The following NUP205 variants were observed in gnomAD, a reference collection of about 807,000 sequenced individuals.
The protein encoded by NUP205 is nucleoporin 205, also known as nuclear pore complex protein Nup205.
NUP205 carries 76 observed loss-of-function variants against 253.8 expected under a neutral mutation model. The ratio of observed to expected loss-of-function variants is 0.30; its 90% CI spans 0.25 to 0.36. The LOEUF (loss-of-function observed/expected upper bound fraction) is 0.36. NUP205 is among the 10% of genes least tolerant of loss of function. The pLI is 1.00. For synonymous variants in NUP205, 832 were observed against 850.1 expected (o/e 0.98, Z 0.37); for missense variants, 2,162 against 2,425.5 (o/e 0.89, Z 2.28).
At chr7:135,578,715 G>C in intron 6 of NUP205, 36 bp from the exon 7 acceptor site, 1 of 1,477,540 alleles carries the variant, frequency 6.8e-7, no homozygotes, top group Non-Finnish European at 9.2e-7. Context: ...GAATTTATCT[G>C]GTGATCGGTA....
At chr7:135,624,871 C>T (rs1009798621) in intron 31 of NUP205, among the ~76,000 whole-genome samples, 1 of 152,152 alleles carries the variant, frequency 6.6e-6, no homozygotes, top group African/African-American at 2.4e-5. Flanking sequence ...TTTTCTCTAA[C>T]AAGCAATGTT....
chr7:135,614,260 AT>A lies in NUP205; in HGVS notation c.3301del (p.Ser1101LeufsTer10). 1 of 1,566,772 alleles carries A rather than the reference AT, an allele frequency of 6.4e-7. No homozygotes were observed. Among genetic ancestry groups the A allele is most frequent in the Non-Finnish European group, 8.8e-7 (1 of 1,137,458 alleles). ...FLFSQLQYLP[F>X]SNKEYEISML... ...TATTTTCCCAGTTGCAGTATCTACC[AT>A]TTTCTAACAAAGGTAGGCCATTATT... On this transcript the variant is annotated frameshift_variant, in exon 23 of 43. Transcript: ENST00000285968. LOFTEE classifies it high-confidence loss of function.
chr7:135,568,956 T>G (rs1260019348), intron 1 of NUP205, among the ~76,000 whole-genome samples: 1 of 152,266 alleles, frequency 6.6e-6, no homozygotes, highest in East Asian at 1.9e-4. Flanking sequence ...ATCATATTCC[T>G]TTACTGGAAT....
chr7:135,566,379 C>T (rs1281707657), intron 1 of NUP205, among the ~76,000 whole-genome samples: 6 of 152,124 alleles, frequency 3.9e-5, no homozygotes, highest in African/African-American at 1.4e-4. Flanking sequence ...GGATGAGCCA[C>T]CACCCCTGTC....
chr7:135,625,221 C>T lies in NUP205; in HGVS notation c.4537C>T (p.Leu1513Phe), dbSNP rs1389952210. The T allele has an allele frequency of 6.2e-7, 1 of 1,614,008 alleles. No individual in the cohort carries two copies. The change falls in exon 32 of 43, where the codon CTT becomes TTT. Residue 1513 changes from leucine to phenylalanine, a missense_variant. By Grantham distance (22) the Leu-to-Phe change is conservative. Around this residue, in one of 5 missense-constraint regions of NUP205, gnomAD observed 1,144 missense variants for 1,280.9 expected, o/e 0.89. Transcript: ENST00000285968. ...IVSVDKQQQW[L>F]LYLSNSGYLK... ...CTCCGTGGATAAACAGCAGCAGTGGCTTTTGTATCTTTCTAACAGTGGCTA... is the reference window on the plus strand; with the variant it reads ...CTCCGTGGATAAACAGCAGCAGTGGTTTTTGTATCTTTCTAACAGTGGCTA...
chr7:135,645,616 T>A lies in NUP205; in HGVS notation c.5812+20T>A, dbSNP rs761090890. The A allele has an allele frequency of 1.2e-6, 2 of 1,606,858 alleles. No homozygotes were observed. Among genetic ancestry groups the A allele is most frequent in the African/African-American group, 2.7e-5 (2 of 74,266 alleles). ...TGCAAGGTAAACTTTCTGCTAAAAA[T>A]TAATGAACCATAAATACCTATTTGT... On this transcript the variant is annotated intron_variant, in intron 41 of 42. Transcript: ENST00000285968.
rs759598679 is a variant in NUP205, at chr7:135,627,973, C to T, written c.4794C>T (p.Ser1598=). The T allele has an allele frequency of 8.7e-6, 14 of 1,612,340 alleles. No homozygotes were observed. In the African/African-American group the frequency reaches 1.1e-4, roughly 12 times the overall value. The change falls in exon 34 of 43, where the codon AGC becomes AGT. Residue 1598 remains serine, a splice_region_variant and synonymous_variant. Coordinates refer to ENST00000285968, the MANE Select transcript of NUP205 (RefSeq NM_015135.3). ...YDMRPETDPQ[S]MFGMRDPPMF... is the part of the protein sequence containing the mutation. ...TTTCTCCTTGTTTGGTTGAAATAAG[C>T]ATGTTTGGCATGAGAGACCCTCCAA... is the stretch of plus-strand genomic sequence containing the variant.
At chr7:135,640,062 A>T (rs763813498) in intron 38 of NUP205, among the ~76,000 whole-genome samples, 1 of 152,118 alleles carries the variant, frequency 6.6e-6, no homozygotes, top group Non-Finnish European at 1.5e-5. Context: ...CTGTCAGGGG[A>T]TAGGGGGCAA....
At chr7:135,585,842 C>T (rs1049620123) in intron 8 of NUP205, among the ~76,000 whole-genome samples, 5 of 152,000 alleles carry the variant, frequency 3.3e-5, no homozygotes, top group Middle Eastern at 3.2e-3. Context: ...ATGCCTGGCC[C>T]GATTGTTTAG....
intron 5 of NUP205, 74 bp downstream of exon 5, chr7:135,577,202 T>TC: frequency 7.1e-7 from 1 of 1,402,878 alleles, no homozygotes; most frequent in Non-Finnish European, 9.7e-7. Context: ...ATTAGAATGT[T>TC]CATTTTTTCA....
intron 7 of NUP205, among the ~76,000 whole-genome samples, chr7:135,582,275 ACT>A (rs1184060960): frequency 4.6e-5 from 7 of 151,992 alleles, no homozygotes; most frequent in Admixed American, 6.6e-5. Flanking sequence ...GCAGAGTAAG[ACT>A]CTGTTTCAAA....
At chr7:135,609,617 C>T (rs919724335) in intron 22 of NUP205, among the ~76,000 whole-genome samples, 4 of 151,642 alleles carry the variant, frequency 2.6e-5, no homozygotes, top group Non-Finnish European at 4.4e-5. Flanking sequence ...CACTGCACTC[C>T]AGCCTGGGCA....
intron 8 of NUP205, among the ~76,000 whole-genome samples, chr7:135,585,702 C>T (rs1806443154): frequency 6.6e-6 from 1 of 152,052 alleles, no homozygotes. Context: ...CAGGCGCCCG[C>T]CACCACACCT....
rs766889852 is a variant in NUP205 at position 135,576,972 on chromosome 7, A to G, written c.492A>G (p.Pro164=). 5 of 1,612,034 alleles carry G rather than the reference A, an allele frequency of 3.1e-6. No individual in the cohort carries two copies. In the Admixed American group the frequency reaches 6.7e-5, roughly 22 times the overall value. Residue 164 remains proline, a synonymous_variant, in exon 5 of 43, where the codon CCA becomes CCG. Coordinates refer to ENST00000285968, the MANE Select transcript of NUP205 (RefSeq NM_015135.3). ...RGKTWTLELS[P]ELASMTTRFT... ...TATTGATTTCTTTTCATTACAGTCCAGAGCTGGCTTCCATGACAACACGCT... is the reference window on the plus strand; with the variant it reads ...TATTGATTTCTTTTCATTACAGTCCGGAGCTGGCTTCCATGACAACACGCT...
At chr7:135,568,560 C>G (rs1156895956) in intron 1 of NUP205, among the ~76,000 whole-genome samples, 1 of 152,034 alleles carries the variant, frequency 6.6e-6, no homozygotes, top group Non-Finnish European at 1.5e-5. Context: ...TCTCGAACTC[C>G]TAGCCTCAAG....
intron 1 of NUP205, 22 bp downstream of exon 1, chr7:135,557,994 G>A (rs1370742735): frequency 6.2e-7 from 1 of 1,606,072 alleles, no homozygotes; most frequent in Non-Finnish European, 8.5e-7. Flanking sequence ...CAGACAGAAA[G>A]ACGATTGAGC....
intron 33 of NUP205, among the ~76,000 whole-genome samples, chr7:135,627,178 C>G (rs997966482): frequency 4.6e-5 from 7 of 152,052 alleles, no homozygotes; most frequent in Admixed American, 2.6e-4. Context: ...CTTTCGTTCC[C>G]CCTCAATAGG....
At chr7:135,586,434 T>C (rs1238085174) in intron 8 of NUP205, among the ~76,000 whole-genome samples, 1 of 152,180 alleles carries the variant, frequency 6.6e-6, no homozygotes, top group East Asian at 1.9e-4. Flanking sequence ...TGATTTTTGC[T>C]ATTATGTTTA....
chr7:135,632,078 C>G lies in NUP205; in HGVS notation c.5059+1608C>G, dbSNP rs1051732014. ...GGTATTTTTAATTTGTACTGAGGTT[C>G]CTTCCCTCAAGAAAAAGCATGCTGT... On this transcript the variant is annotated intron_variant, in intron 35 of 42. Transcript: ENST00000285968. Among the ~76,000 whole-genome samples, 6 of 152,090 alleles carry G rather than the reference C, an allele frequency of 3.9e-5. No homozygotes were observed. In the East Asian group the frequency reaches 1.2e-3, roughly 29 times the overall value.
Sources: allele counts gnomAD v4.1 joint callset (sites outside exome capture counted in the v4.1 genomes callset), GRCh38; gene constraint gnomAD v4.1.1; regional missense constraint gnomAD v4.1.1; transcripts MANE v1.5; gene names NCBI Gene and HGNC (gene_info 2026-07-23, HGNC 2026-07-21).